The following DGKB variants were observed in gnomAD, a reference collection of about 807,000 sequenced individuals.
DGKB encodes 90 kDa diacylglycerol kinase.
Under a neutral mutation model 114.3 loss-of-function variants are expected in DGKB, and 67 were observed. The ratio of observed to expected loss-of-function variants is 0.59; its 90% CI spans 0.48 to 0.72. DGKB has a LOEUF of 0.72. Ranked by LOEUF, DGKB falls within the 30% of genes least tolerant of loss-of-function variation. The probability of loss-of-function intolerance (pLI) is 0.00; values close to 1 mark genes in which losing one functional copy is unlikely to be tolerated. For synonymous variants in DGKB, 398 were observed against 323.1 expected (o/e 1.23, Z -2.49); for missense variants, 907 against 975.2 (o/e 0.93, Z 0.93).
At chr7:14,891,755 C>T (rs1035968250) in intron 1 of DGKB, among the ~76,000 whole-genome samples, 1 of 151,434 alleles carries the variant, frequency 6.6e-6, no homozygotes, top group African/African-American at 2.4e-5. Context: ...AGTCAAAATA[C>T]TTATCTCTCT....
At position 14,698,013 on chromosome 7, in the gene DGKB, GAAAGAGAA is replaced by G. The variant is rs369852183; in HGVS notation, c.591+74_591+81del. ...AGAAAGAAAAAAAGAAAGAAAGAAAGAAAGAGAAAGAAAGAAAGAAAGAAAAGAAAGAA... is the reference window on the plus strand; with the variant it reads ...AGAAAGAAAAAAAGAAAGAAAGAAAGAGAAAGAAAGAAAGAAAAGAAAGAA... On this transcript the variant is annotated intron_variant, in intron 8 of 25. Coordinates refer to ENST00000402815, the MANE Select transcript of DGKB (RefSeq NM_001350709.2). 5.2e-4 allele frequency: 392 copies of G among 748,144 alleles called. 3 individuals carry two copies. Among genetic ancestry groups the G allele is most frequent in the South Asian group, 2.5e-3 (156 of 61,188 alleles). The allele number at this position is 748,144 out of a possible 1,614,324, so 46.3% of individuals were successfully genotyped here. A position where few individuals can be genotyped will look rare whatever the true frequency, so the allele number is the denominator to read the frequency against.
At chr7:14,652,458 T>C (rs1432376374) in intron 13 of DGKB, among the ~76,000 whole-genome samples, 4 of 152,002 alleles carry the variant, frequency 2.6e-5, no homozygotes, top group Admixed American at 1.3e-4. Context: ...TGTAGAAAGC[T>C]GAAACTGGAT....
intron 20 of DGKB, among the ~76,000 whole-genome samples, chr7:14,554,044 T>A (rs890705904): frequency 6.6e-6 from 1 of 151,968 alleles, no homozygotes; most frequent in Non-Finnish European, 1.5e-5. Flanking sequence ...GGCTAATTTT[T>A]GTATTTTTTA....
chr7:14,850,809 A>G (rs748770370), intron 1 of DGKB, among the ~76,000 whole-genome samples: 6 of 152,206 alleles, frequency 3.9e-5, no homozygotes, highest in Admixed American at 2.0e-4. Flanking sequence ...TTAATTATTA[A>G]TTTATAGACT....
chr7:14,606,210 A>G (rs929110666), intron 17 of DGKB, among the ~76,000 whole-genome samples: 4 of 152,084 alleles, frequency 2.6e-5, no homozygotes, highest in African/African-American at 9.7e-5. Context: ...GGCTTTATCT[A>G]CTTGGGGACT....
intron 6 of DGKB, among the ~76,000 whole-genome samples, chr7:14,706,253 C>G (rs1585837956): frequency 6.8e-6 from 1 of 146,850 alleles, no homozygotes; most frequent in Non-Finnish European, 1.5e-5. Context: ...ATCAATTCAA[C>G]AAGAAGAGCT....
intron 23 of DGKB, among the ~76,000 whole-genome samples, chr7:14,326,356 CA>C (rs905235090): frequency 1.3e-5 from 2 of 151,512 alleles, no homozygotes; most frequent in East Asian, 1.9e-4. Flanking sequence ...GATTGAAAAC[CA>C]AAAAAATGAA....
At chr7:14,476,030 A>G (rs1782114698) in intron 21 of DGKB, among the ~76,000 whole-genome samples, 2 of 151,974 alleles carry the variant, frequency 1.3e-5, no homozygotes, top group South Asian at 4.1e-4. Context: ...CCTTTAATGA[A>G]CTTTTTTATG....
chr7:14,385,706 A>C (rs898985027), intron 21 of DGKB, among the ~76,000 whole-genome samples: 1 of 152,226 alleles, frequency 6.6e-6, no homozygotes, highest in Non-Finnish European at 1.5e-5. Context: ...AATAAATTGC[A>C]TTGAAGTGTA....
chr7:14,310,249 GA>G (rs1002503725), intron 23 of DGKB, among the ~76,000 whole-genome samples: 3 of 152,148 alleles, frequency 2.0e-5, no homozygotes, highest in Non-Finnish European at 4.4e-5. Context: ...GTATTGTTGA[GA>G]AGCTCAGTGG....
At chr7:14,854,265 C>A (rs1410033670) in intron 1 of DGKB, among the ~76,000 whole-genome samples, 3 of 152,152 alleles carry the variant, frequency 2.0e-5, no homozygotes, top group Non-Finnish European at 4.4e-5. Flanking sequence ...TATTTAAATT[C>A]TTTATACCTG....
At chr7:14,404,708 C>T (rs1394891008) in intron 21 of DGKB, among the ~76,000 whole-genome samples, 2 of 151,842 alleles carry the variant, frequency 1.3e-5, no homozygotes, top group Non-Finnish European at 2.9e-5. Context: ...CCTTCAGTCC[C>T]CTCCTCTATA....
intron 2 of DGKB, among the ~76,000 whole-genome samples, chr7:14,764,943 A>G (rs575786587): frequency 8.6e-4 from 131 of 152,112 alleles, no homozygotes; most frequent in African/African-American, 3.1e-3. Flanking sequence ...GAAAATAAAT[A>G]CCTACAGGAC....
chr7:14,400,649 G>A (rs1212658387), intron 21 of DGKB, among the ~76,000 whole-genome samples: 2 of 151,050 alleles, frequency 1.3e-5, no homozygotes, highest in East Asian at 2.0e-4. Flanking sequence ...AAGTGAATGC[G>A]TTTTATGTAA....
intron 2 of DGKB, among the ~76,000 whole-genome samples, chr7:14,774,575 GA>G (rs942198862): frequency 5.6e-4 from 85 of 152,130 alleles, no homozygotes; most frequent in African/African-American, 2.0e-3. Context: ...CTGGTGCTTT[GA>G]AAATGTTATT....
At chr7:14,288,442 G>A (rs1345720619) in intron 23 of DGKB, among the ~76,000 whole-genome samples, 1 of 151,796 alleles carries the variant, frequency 6.6e-6, no homozygotes, top group Non-Finnish European at 1.5e-5. Context: ...AACTCACTCA[G>A]GTATTGATTG....
intron 23 of DGKB, among the ~76,000 whole-genome samples, chr7:14,280,290 C>A (rs187236450): frequency 6.6e-6 from 1 of 151,624 alleles, no homozygotes; most frequent in South Asian, 2.1e-4. Flanking sequence ...TGAAATGAAG[C>A]GAGAAGGAAA....
chr7:14,467,412 T>C (rs1033886199), intron 21 of DGKB, among the ~76,000 whole-genome samples: 3 of 150,936 alleles, frequency 2.0e-5, no homozygotes, highest in Non-Finnish European at 4.4e-5. Context: ...ATACAACTTA[T>C]GTTTTTAATA....
At position 14,526,439 on chromosome 7, in the gene DGKB, T is replaced by C. The variant is rs187328817; in HGVS notation, c.1770+47773A>G. ...AGAACCTGTGTTTCAAAGCAATGAG[T>C]TCTGTATTACATCTGCCTAAATTTT... On this transcript the variant is annotated intron_variant, in intron 20 of 25. Coordinates refer to ENST00000402815, the MANE Select transcript of DGKB (RefSeq NM_001350709.2). Among the ~76,000 whole-genome samples, 21 of 152,046 alleles carry C rather than the reference T, an allele frequency of 1.4e-4. No homozygotes were observed. In the East Asian group the frequency reaches 2.1e-3, roughly 15 times the overall value.
Sources: gnomAD v4.1 joint callset for allele counts (sites outside exome capture counted in the v4.1 genomes callset) on GRCh38, gnomAD v4.1.1 for gene constraint, MANE v1.5 for transcripts, NCBI Gene and HGNC (gene_info 2026-07-23, HGNC 2026-07-21) for gene names.